KBTBD2: variants seen among roughly 807,000 people sequenced by gnomAD.
KBTBD2 encodes kelch repeat and BTB domain containing 2.
A neutral mutation model predicts 57.1 loss-of-function variants in KBTBD2; 17 were observed. That is an observed-to-expected ratio of 0.30 (90% CI 0.20 to 0.45). The LOEUF (loss-of-function observed/expected upper bound fraction) is 0.45, where lower values mean the gene tolerates loss of function less well. KBTBD2 is among the 20% of genes least tolerant of loss of function. The probability of loss-of-function intolerance (pLI) is 1.00; values close to 1 mark genes in which losing one functional copy is unlikely to be tolerated. For missense variants in KBTBD2, 515 were observed against 750.6 expected (o/e 0.69, Z 3.67); for synonymous variants, 267 against 262.7 (o/e 1.02, Z -0.16).
intron 1 of KBTBD2, among the ~76,000 whole-genome samples, chr7:32,887,440 G>C (rs976429820): frequency 1.3e-5 from 2 of 152,180 alleles, no homozygotes; most frequent in Non-Finnish European, 2.9e-5. Flanking sequence ...TAAATAGCCT[G>C]ATTTAATCAT....
intron 3 of KBTBD2, among the ~76,000 whole-genome samples, chr7:32,873,885 C>T (rs780512209): frequency 6.6e-6 from 1 of 152,122 alleles, no homozygotes; most frequent in Non-Finnish European, 1.5e-5. Context: ...TAATCAAATC[C>T]TATTGTTTTT....
chr7:32,872,165 A>G (rs568421116), intron 3 of KBTBD2, among the ~76,000 whole-genome samples: 2 of 152,202 alleles, frequency 1.3e-5, no homozygotes, highest in East Asian at 3.9e-4. Flanking sequence ...ATGCCACTGC[A>G]TGGTGGCATG....
intron 1 of KBTBD2, among the ~76,000 whole-genome samples, chr7:32,885,955 C>T (rs1319388621): frequency 2.7e-5 from 4 of 149,044 alleles, no homozygotes; most frequent in Non-Finnish European, 4.4e-5. Flanking sequence ...GTCGCCCAGG[C>T]TGGAGTGCAA....
rs868385667 is a variant in KBTBD2 at position 32,875,141 on chromosome 7, C to T, written c.187G>A (p.Gly63Arg). ...SSYFRAMFMS[G>R]LSESKQTHVH... is the part of the protein sequence containing the mutation. ...TGGGTTTGTTTGCTTTCACTTAGTC[C>T]ACTCATAAACATGGCCCTACAGGGG... is the stretch of plus-strand genomic sequence containing the variant. The change falls in exon 3 of 4, where the codon GGA (glycine) becomes AGA (arginine). Residue 63 changes from glycine (G) to arginine (R), a missense_variant. Transcript: ENST00000304056. 1 of 1,613,996 alleles carries T rather than the reference C, an allele frequency of 6.2e-7. No homozygotes were observed. The highest frequency in any genetic ancestry group is 8.5e-7 in the Non-Finnish European group (1 of 1,179,930).
intron 1 of KBTBD2, among the ~76,000 whole-genome samples, chr7:32,886,264 A>G (rs1784579539): frequency 2.6e-5 from 4 of 152,142 alleles, no homozygotes; most frequent in Admixed American, 2.6e-4. Flanking sequence ...TTTATTTTTA[A>G]ATCCGAAGAC....
chr7:32,879,037 A>G (rs1784385928), intron 2 of KBTBD2, among the ~76,000 whole-genome samples: 1 of 152,228 alleles, frequency 6.6e-6, no homozygotes, highest in Non-Finnish European at 1.5e-5. Context: ...CCTATCTAAC[A>G]GCACCAATTT....
rs1784078257 is a variant in KBTBD2, at chr7:32,868,429, T to G, written c.*916A>C. 6.6e-6 allele frequency: 1 copy of G among 152,104 alleles called. No individual in the cohort carries two copies. The highest frequency in any genetic ancestry group is 1.5e-5 in the Non-Finnish European group (1 of 67,944). The allele number at this position is 152,104 out of a possible 1,614,324, so 9.4% of individuals were successfully genotyped here. A position where few individuals can be genotyped will look rare whatever the true frequency, so the allele number is the denominator to read the frequency against. On this transcript the variant is annotated 3_prime_UTR_variant, in exon 4 of 4. Transcript: ENST00000304056. ...TAACCCCCACACGCACACAACAGGT[T>G]AAAAAAAACACACCCTGACAGCTAA...
At chr7:32,886,978 G>T (rs536098946) in intron 1 of KBTBD2, among the ~76,000 whole-genome samples, 2 of 151,146 alleles carry the variant, frequency 1.3e-5, no homozygotes, top group African/African-American at 4.9e-5. Flanking sequence ...AGGCAATGAG[G>T]GGGGATAGAT....
At chr7:32,882,233 C>T (rs984159408) in intron 1 of KBTBD2, among the ~76,000 whole-genome samples, 1 of 152,112 alleles carries the variant, frequency 6.6e-6, no homozygotes, top group Non-Finnish European at 1.5e-5. Flanking sequence ...AAGTCCTAAT[C>T]CCAGTAGCTG....
intron 1 of KBTBD2, among the ~76,000 whole-genome samples, chr7:32,886,429 T>A (rs2127956955): frequency 6.6e-6 from 1 of 152,230 alleles, no homozygotes; most frequent in East Asian, 1.9e-4. Flanking sequence ...TTAAATCAGT[T>A]AGCAATCGAC....
At chr7:32,873,229 A>G (rs1162459751) in intron 3 of KBTBD2, among the ~76,000 whole-genome samples, 1 of 152,196 alleles carries the variant, frequency 6.6e-6, no homozygotes, top group Non-Finnish European at 1.5e-5. Flanking sequence ...ACAGTTTGTC[A>G]TACATAAATA....
At chr7:32,880,291 A>G (rs1256734512) in intron 1 of KBTBD2, among the ~76,000 whole-genome samples, 1 of 152,112 alleles carries the variant, frequency 6.6e-6, no homozygotes, top group African/African-American at 2.4e-5. Context: ...GTAGCAACAA[A>G]TGATCATAAT....
intron 2 of KBTBD2, among the ~76,000 whole-genome samples, chr7:32,876,446 G>A (rs976815654): frequency 2.6e-5 from 4 of 152,326 alleles, no homozygotes; most frequent in Admixed American, 2.6e-4. Context: ...TGAGACAAGA[G>A]AGTCTGAGCT....
intron 3 of KBTBD2, among the ~76,000 whole-genome samples, chr7:32,873,038 G>C (rs2127949295): frequency 6.6e-6 from 1 of 152,210 alleles, no homozygotes; most frequent in Non-Finnish European, 1.5e-5. Context: ...TATTTATTAA[G>C]TACTTAACAA....
At chr7:32,872,829 T>C (rs1461961695) in intron 3 of KBTBD2, among the ~76,000 whole-genome samples, 4 of 152,200 alleles carry the variant, frequency 2.6e-5, no homozygotes, top group Admixed American at 6.5e-5. Flanking sequence ...TAACATATAA[T>C]GCAAATATCC....
Position 32,875,291 on chromosome 7 carries a change from A to G in KBTBD2, c.171-134T>C, listed in dbSNP as rs1583777478. The G allele has an allele frequency of 1.4e-5, 11 of 765,264 alleles. No individual in the cohort carries two copies. In the East Asian group the frequency reaches 1.9e-4, roughly 13 times the overall value. 47.4% of individuals were successfully genotyped at this position (765,264 alleles called of 1,614,324 possible). Reference sequence around the variant, plus strand: ...ATAAGAGAAACTTTTTCTTTTTTTGAGACAGGGTCTTGCTCTGTCCCCCAG... The same window carrying G: ...ATAAGAGAAACTTTTTCTTTTTTTGGGACAGGGTCTTGCTCTGTCCCCCAG... On this transcript the variant is annotated intron_variant, in intron 2 of 3. Coordinates refer to ENST00000304056, the MANE Select transcript of KBTBD2 (RefSeq NM_015483.3).
rs778321515 is a variant in KBTBD2, at chr7:32,870,606, T to C, written c.611A>G (p.Tyr204Cys). The C allele has an allele frequency of 1.9e-6, 3 of 1,614,088 alleles. No individual in the cohort carries two copies. Among genetic ancestry groups the C allele is most frequent in the East Asian group, 4.5e-5 (2 of 44,898 alleles). ...ATACTGGGATCGTGATTCTGTGTTATACTCTAGCCACAGCATAGCAGCTTC... is the reference window on the plus strand; with the variant it reads ...ATACTGGGATCGTGATTCTGTGTTACACTCTAGCCACAGCATAGCAGCTTC... ...VREAAMLWLEYNTESRSQYLS... is the reference protein window; with the variant it reads ...VREAAMLWLECNTESRSQYLS... Residue 204 changes from tyrosine (Y) to cysteine (C), a missense_variant, in exon 4 of 4, where the codon TAT (tyrosine) becomes TGT (cysteine). Physicochemically the swap from Tyr to Cys is radical, Grantham distance 194 (BLOSUM62 -2). Transcript: ENST00000304056.
chr7:32,891,716 A>G lies in KBTBD2; in HGVS notation c.-519T>C, dbSNP rs1394231821. On this transcript the variant is annotated 5_prime_UTR_variant, in exon 1 of 4. Coordinates refer to ENST00000304056, the MANE Select transcript of KBTBD2 (RefSeq NM_015483.3). ...CCTCTTCCTTCCGGTTTCCCCTCGC[A>G]CCCTCCCTCGCTTGGTCCGTCCAGC... 6.8e-6 allele frequency: 1 copy of G among 147,104 alleles called. No individual in the cohort carries two copies. The highest frequency in any genetic ancestry group is 1.5e-5 in the Non-Finnish European group (1 of 66,932). The allele number at this position is 147,104 out of a possible 1,614,324, so 9.1% of individuals were successfully genotyped here. A position where few individuals can be genotyped will look rare whatever the true frequency, so the allele number is the denominator to read the frequency against.
In KBTBD2 at chr7:32,869,328, C is replaced by T. The variant is rs368916619; in HGVS notation, c.*17G>A. The T allele has an allele frequency of 7.1e-6, 11 of 1,555,522 alleles. No homozygotes were observed. The highest frequency in any genetic ancestry group is 8.8e-6 in the Non-Finnish European group (10 of 1,141,744). ...ACAAAGCACATAACTCAGGCGTGCA[C>T]TCCCTGAACTTCCCCACTATACAGG... On this transcript the variant is annotated 3_prime_UTR_variant, in exon 4 of 4. Coordinates refer to ENST00000304056, the MANE Select transcript of KBTBD2 (RefSeq NM_015483.3).
Sources: gnomAD v4.1 joint callset for allele counts (sites outside exome capture counted in the v4.1 genomes callset) on GRCh38, gnomAD v4.1.1 for gene constraint, MANE v1.5 for transcripts, NCBI Gene and HGNC (gene_info 2026-07-23, HGNC 2026-07-21) for gene names.